Variants in RBM33 observed in about 807,000 individuals in gnomAD.
RBM33 encodes RNA binding motif protein 33.
A neutral mutation model predicts 132.6 loss-of-function variants in RBM33; 28 were observed. That is an observed-to-expected ratio of 0.21 (90% CI 0.16 to 0.29). The LOEUF is 0.29. Ranked by LOEUF, RBM33 falls within the 10% of genes least tolerant of loss-of-function variation. The pLI is 1.00. For missense variants in RBM33, 1,291 were observed against 1,518.5 expected, an observed-to-expected ratio of 0.85 and a Z score of 2.49; for synonymous variants, 634 against 593.0, an observed-to-expected ratio of 1.07 and a Z score of -1.01.
At chr7:155,645,208 G>A in intron 1 of RBM33, 1 of 360,078 alleles carries the variant, frequency 2.8e-6, no homozygotes, top group African/African-American at 2.1e-5. Flanking sequence ...CGGGCATTAA[G>A]TGCCGAAGCC....
chr7:155,731,808 C>T (rs1176597919), intron 9 of RBM33, among the ~76,000 whole-genome samples: 1 of 152,120 alleles, frequency 6.6e-6, no homozygotes, highest in East Asian at 1.9e-4. Flanking sequence ...AGATTCATGG[C>T]AGTAAGATAC....
At chr7:155,715,111 G>A (rs770509582) in intron 8 of RBM33, among the ~76,000 whole-genome samples, 1 of 152,134 alleles carries the variant, frequency 6.6e-6, no homozygotes, top group South Asian at 2.1e-4. Context: ...CCTCTTAGGT[G>A]GCCCTGAGCG....
chr7:155,654,353 C>G (rs1357948959), intron 1 of RBM33, among the ~76,000 whole-genome samples: 1 of 151,866 alleles, frequency 6.6e-6, no homozygotes, highest in Non-Finnish European at 1.5e-5. Context: ...TTTGTAGTTA[C>G]TTTGTTTTAC....
chr7:155,705,241 G>T (rs1029123304), intron 6 of RBM33, among the ~76,000 whole-genome samples: 2 of 152,112 alleles, frequency 1.3e-5, no homozygotes, highest in Non-Finnish European at 2.9e-5. Context: ...GTGACAGCTT[G>T]TCTCAATTGG....
chr7:155,712,340 G>T (rs527443205), intron 8 of RBM33, among the ~76,000 whole-genome samples: 1 of 152,354 alleles, frequency 6.6e-6, no homozygotes, highest in Admixed American at 6.5e-5. Context: ...TTAACTTCAT[G>T]TACCTGTGAA....
chr7:155,671,901 T>C (rs1213468335), intron 2 of RBM33, among the ~76,000 whole-genome samples: 1 of 152,212 alleles, frequency 6.6e-6, no homozygotes, highest in East Asian at 1.9e-4. Flanking sequence ...ATAAATGCAG[T>C]GGAAAATGTC....
At chr7:155,773,297 G>C (rs919296178) in intron 16 of RBM33, among the ~76,000 whole-genome samples, 1 of 152,110 alleles carries the variant, frequency 6.6e-6, no homozygotes. Flanking sequence ...CAGGTGCGGT[G>C]GCTCATGCCT....
chr7:155,670,028 A>T (rs1798904323), intron 2 of RBM33, among the ~76,000 whole-genome samples: 1 of 152,200 alleles, frequency 6.6e-6, no homozygotes, highest in Non-Finnish European at 1.5e-5. Context: ...CTACAGCCCC[A>T]CTTACAGTGG....
At chr7:155,666,501 G>A (rs1327869520) in intron 2 of RBM33, among the ~76,000 whole-genome samples, 2 of 152,120 alleles carry the variant, frequency 1.3e-5, no homozygotes, top group African/African-American at 2.4e-5. Context: ...TCAAGCTGTC[G>A]CACAAAATCA....
rs115635870 is a variant in RBM33 at position 155,709,856 on chromosome 7, G to A, written c.949-1347G>A. Among the ~76,000 whole-genome samples the A allele has an allele frequency of 4.0e-3, 613 of 152,310 alleles. 5 individuals carry two copies. The highest frequency in any genetic ancestry group is 0.014 in the African/African-American group (589 of 41,572). ...AGCTGGTACCAGAATCTTTTGAAAC[G>A]TCTTCTGTGAGGAAGGATAGGTGGG... On this transcript the variant is annotated intron_variant, in intron 7 of 17. Coordinates refer to ENST00000401878, the MANE Select transcript of RBM33 (RefSeq NM_053043.3).
chr7:155,746,111 A>C lies in RBM33; in HGVS notation c.2979+509A>C, dbSNP rs145519830. 5.3e-5 allele frequency among the ~76,000 whole-genome samples: 8 copies of C among 152,376 alleles called. No homozygotes were observed. The East Asian group carries it at 1.5e-3, about 29-fold the overall frequency. The stretch of plus-strand genomic sequence containing the variant: ...AGTTTTCTCTTTTGAGTCTTAATGA[A>C]AGGCCAGTGTGACAATCCCTAAATT... On this transcript the variant is annotated intron_variant, in intron 14 of 17. Coordinates refer to ENST00000401878, the MANE Select transcript of RBM33 (RefSeq NM_053043.3).
intron 14 of RBM33, among the ~76,000 whole-genome samples, chr7:155,761,288 C>G (rs1306886963): frequency 6.6e-6 from 1 of 152,058 alleles, no homozygotes; most frequent in Non-Finnish European, 1.5e-5. Flanking sequence ...TCTTTTGATG[C>G]CTTTGGCCTT....
rs568051136 is a variant in RBM33 at position 155,777,799 on chromosome 7, G to A, written c.*2758G>A. 5 of 152,702 alleles carry A rather than the reference G, an allele frequency of 3.3e-5. No homozygotes were observed. The highest frequency in any genetic ancestry group is 5.9e-5 in the Non-Finnish European group (4 of 68,034). 9.5% of individuals were successfully genotyped at this position (152,702 alleles called of 1,614,324 possible). A position where few individuals can be genotyped will look rare whatever the true frequency, so the allele number is the denominator to read the frequency against. The stretch of plus-strand genomic sequence containing the variant: ...TGTTGATGTGTTTGTGTGTATATTC[G>A]ATTTTTATAAAGATGGTAGTAAGTC... On this transcript the variant is annotated 3_prime_UTR_variant, in exon 18 of 18. Coordinates refer to ENST00000401878, the MANE Select transcript of RBM33 (RefSeq NM_053043.3).
intron 9 of RBM33, among the ~76,000 whole-genome samples, chr7:155,724,216 A>G (rs1800711594): frequency 1.3e-5 from 2 of 152,116 alleles, no homozygotes; most frequent in Non-Finnish European, 2.9e-5. Context: ...TTTAAGGCAC[A>G]CTTGGAGAGA....
At chr7:155,708,557 A>G (rs1283662697) in intron 7 of RBM33, among the ~76,000 whole-genome samples, 3 of 152,210 alleles carry the variant, frequency 2.0e-5, no homozygotes, top group African/African-American at 7.2e-5. Flanking sequence ...GAGAGGCTGA[A>G]CTGAGATGGC....
chr7:155,649,416 A>C (rs1403640754), intron 1 of RBM33, among the ~76,000 whole-genome samples: 1 of 152,218 alleles, frequency 6.6e-6, no homozygotes, highest in Non-Finnish European at 1.5e-5. Flanking sequence ...GAATGAATTA[A>C]AGAATGACAT....
At chr7:155,746,020 CCTCAT>C (rs1380854280) in intron 14 of RBM33, among the ~76,000 whole-genome samples, 4 of 152,158 alleles carry the variant, frequency 2.6e-5, no homozygotes, top group Non-Finnish European at 4.4e-5. Context: ...AGTGTCATAA[CCTCAT>C]GGGACCGCCT....
At chr7:155,662,300 A>G (rs1798673914) in intron 1 of RBM33, among the ~76,000 whole-genome samples, 1 of 152,100 alleles carries the variant, frequency 6.6e-6, no homozygotes, top group African/African-American at 2.4e-5. Flanking sequence ...GTTCTGACCC[A>G]AGCAGGGGCC....
chr7:155,738,148 T>C lies in RBM33; in HGVS notation c.1482T>C (p.Ser494=). 1 of 1,613,872 alleles carries C rather than the reference T, an allele frequency of 6.2e-7. No individual in the cohort carries two copies. The highest frequency in any genetic ancestry group is 1.1e-5 in the South Asian group (1 of 91,066). Residue 494 remains serine (S), a synonymous_variant, in exon 11 of 18, where the codon AGT becomes AGC. Coordinates refer to ENST00000401878, the MANE Select transcript of RBM33 (RefSeq NM_053043.3). ...CACCGCCTCCTACCCTTCTTAACAG[T>C]AGCCATCCTGTTCCTACTCAGAGTC... ...PPPPPPTLLN[S]SHPVPTQSPL...
Sources: allele counts gnomAD v4.1 joint callset (sites outside exome capture counted in the v4.1 genomes callset), GRCh38; gene constraint gnomAD v4.1.1; transcripts MANE v1.5; gene names NCBI Gene and HGNC (gene_info 2026-07-23, HGNC 2026-07-21).